Variants in MPPED2 observed in about 807,000 individuals in gnomAD.
The protein encoded by MPPED2 is metallophosphoesterase MPPED2.
MPPED2 carries 5 observed loss-of-function variants against 33.0 expected under a neutral mutation model. The observed-to-expected ratio is 0.15, with a 90% CI of 0.08 to 0.32. The LOEUF (loss-of-function observed/expected upper bound fraction) is 0.32, where lower values mean the gene tolerates loss of function less well. MPPED2 is among the 10% of genes least tolerant of loss of function. The probability of loss-of-function intolerance (pLI) is 1.00; values close to 1 mark genes in which losing one functional copy is unlikely to be tolerated. For synonymous variants in MPPED2, 136 were observed against 141.9 expected, an observed-to-expected ratio of 0.96 and a Z score of 0.29; for missense variants, 275 against 372.1, an observed-to-expected ratio of 0.74 and a Z score of 2.15.
At chr11:30,417,411 CTTTTTT>C in intron 5 of MPPED2, 101 bp downstream of exon 5, 1 of 436,540 alleles carries the variant, frequency 2.3e-6, no homozygotes. Context: ...CTCGTATTCA[CTTTTTT>C]TTTTTTTTTG....
At chr11:30,535,340 A>G (rs917635522) in intron 3 of MPPED2, among the ~76,000 whole-genome samples, 2 of 152,184 alleles carry the variant, frequency 1.3e-5, no homozygotes, top group African/African-American at 2.4e-5. Context: ...CCCTCCGCTA[A>G]GAGGAACCAG....
intron 2 of MPPED2, among the ~76,000 whole-genome samples, chr11:30,579,099 C>T (rs2134899725): frequency 6.7e-6 from 1 of 148,360 alleles, no homozygotes; most frequent in Admixed American, 6.8e-5. Context: ...CCAGAATATA[C>T]TTGCAAAGCA....
At chr11:30,586,461 C>G (rs1285658315), upstream of MPPED2, among the ~76,000 whole-genome samples, 1 of 152,028 alleles carries the variant, frequency 6.6e-6, no homozygotes, top group Non-Finnish European at 1.5e-5. The surrounding 1 kb of genome is among the most constrained non-coding windows in gnomAD (Gnocchi z 4.8). Context: ...CTGCACGCCC[C>G]TCCCGCAGTC....
intron 2 of MPPED2, among the ~76,000 whole-genome samples, chr11:30,552,645 G>A (rs1408178310): frequency 1.3e-5 from 2 of 151,888 alleles, no homozygotes; most frequent in Admixed American, 6.6e-5. Context: ...CCATTATAAC[G>A]TCAGCATTTT....
intron 4 of MPPED2, among the ~76,000 whole-genome samples, chr11:30,450,349 G>C (rs1056560258): frequency 1.3e-5 from 2 of 152,196 alleles, no homozygotes; most frequent in Admixed American, 1.3e-4. Flanking sequence ...AAAGCAAAAT[G>C]AGTAAAAATA....
chr11:30,501,004 C>A (rs1410725199), intron 3 of MPPED2, among the ~76,000 whole-genome samples: 1 of 152,174 alleles, frequency 6.6e-6, no homozygotes, highest in Non-Finnish European at 1.5e-5. Context: ...TCCAGTCTAG[C>A]CGACTAATCT....
intron 1 of MPPED2, among the ~76,000 whole-genome samples, chr11:30,581,741 A>G (rs1794411875): frequency 6.6e-6 from 1 of 152,214 alleles, no homozygotes; most frequent in Admixed American, 6.5e-5. Context: ...CCCATATGCT[A>G]GCTGGGCTAA....
At chr11:30,454,895 T>G (rs991200129) in intron 4 of MPPED2, among the ~76,000 whole-genome samples, 1 of 152,212 alleles carries the variant, frequency 6.6e-6, no homozygotes, top group African/African-American at 2.4e-5. Context: ...TATTCAAGAC[T>G]GTTAGGGCCT....
rs185234664 is a variant in MPPED2 at position 30,451,334 on chromosome 11, G to T, written c.537-33701C>A. Among the ~76,000 whole-genome samples the T allele has an allele frequency of 1.4e-4, 21 of 152,252 alleles. 1 individual carries two copies. The highest frequency in any genetic ancestry group is 1.3e-3 in the Admixed American group (20 of 15,292). On this transcript the variant is annotated intron_variant, in intron 4 of 6. Coordinates refer to ENST00000358117, the MANE Select transcript of MPPED2 (RefSeq NM_001584.3). The stretch of plus-strand genomic sequence containing the variant: ...ATGTCACAAAGCTTAGGCCCCTCTT[G>T]TCTAAGGACCTTGGCTGTCAAGACT...
chr11:30,580,892 C>T (rs980839787), intron 1 of MPPED2, among the ~76,000 whole-genome samples: 5 of 152,284 alleles, frequency 3.3e-5, no homozygotes, highest in East Asian at 1.9e-4. Flanking sequence ...GTTGGTGTCA[C>T]GTAATCATTT....
chr11:30,446,744 G>A (rs1163421009), intron 4 of MPPED2, among the ~76,000 whole-genome samples: 3 of 152,084 alleles, frequency 2.0e-5, no homozygotes, highest in Admixed American at 1.3e-4. Flanking sequence ...AGCACCCCTC[G>A]GAATCCACAC....
intron 4 of MPPED2, among the ~76,000 whole-genome samples, chr11:30,465,151 G>A (rs941902832): frequency 2.0e-5 from 3 of 152,198 alleles, no homozygotes; most frequent in African/African-American, 7.2e-5. Context: ...ATTCACATTG[G>A]AACTGCATTT....
intron 4 of MPPED2, among the ~76,000 whole-genome samples, chr11:30,465,842 CT>C (rs1454745947): frequency 5.3e-5 from 8 of 152,046 alleles, no homozygotes; most frequent in East Asian, 1.9e-4. Context: ...GGAGGGCAGA[CT>C]TTTTGTATAT....
At chr11:30,520,736 CT>C (rs1953825501) in intron 3 of MPPED2, among the ~76,000 whole-genome samples, 1 of 152,118 alleles carries the variant, frequency 6.6e-6, no homozygotes, top group African/African-American at 2.4e-5. Context: ...CAAAATGTCA[CT>C]TTTTACGTTA....
chr11:30,463,976 C>T (rs1950606429), intron 4 of MPPED2, among the ~76,000 whole-genome samples: 1 of 151,414 alleles, frequency 6.6e-6, no homozygotes, highest in African/African-American at 2.4e-5. Flanking sequence ...CCACGCAATA[C>T]CTAAAAAACA....
intron 6 of MPPED2, among the ~76,000 whole-genome samples, chr11:30,400,263 T>A (rs1947891925): frequency 6.6e-6 from 1 of 152,164 alleles, no homozygotes; most frequent in Admixed American, 6.5e-5. Flanking sequence ...TTTTTAGAGA[T>A]GGGGGTTTTG....
downstream of MPPED2, among the ~76,000 whole-genome samples, chr11:30,407,430 A>T (rs928380997): frequency 6.6e-6 from 1 of 152,242 alleles, no homozygotes; most frequent in Non-Finnish European, 1.5e-5. Flanking sequence ...CTGGGAAGTT[A>T]GGCTCCCTTA....
At chr11:30,560,323 A>T (rs1288535621) in intron 2 of MPPED2, among the ~76,000 whole-genome samples, 4 of 152,006 alleles carry the variant, frequency 2.6e-5, no homozygotes, top group East Asian at 1.9e-4. Flanking sequence ...AAAAAAAAAA[A>T]ATATGTTAAC....
At chr11:30,552,644 C>T (rs1199318509) in intron 2 of MPPED2, among the ~76,000 whole-genome samples, 3 of 152,092 alleles carry the variant, frequency 2.0e-5, no homozygotes, top group Non-Finnish European at 2.9e-5. Context: ...ACCATTATAA[C>T]GTCAGCATTT....
Sources: allele counts gnomAD v4.1 joint callset (sites outside exome capture counted in the v4.1 genomes callset), GRCh38; gene constraint gnomAD v4.1.1; non-coding constraint Gnocchi (gnomAD v3.1); transcripts MANE v1.5; gene names NCBI Gene and HGNC (gene_info 2026-07-23, HGNC 2026-07-21).